ZNF800: variants seen among roughly 807,000 people sequenced by gnomAD.
The protein encoded by ZNF800 is zinc finger protein 800.
ZNF800 carries 13 observed loss-of-function variants against 59.5 expected under a neutral mutation model. The ratio of observed to expected loss-of-function variants is 0.22; its 90% confidence interval spans 0.14 to 0.35. ZNF800 has a LOEUF of 0.35. Ranked by LOEUF, ZNF800 falls within the 10% of genes least tolerant of loss-of-function variation. ZNF800 has a pLI of 1.00. For synonymous variants in ZNF800, 266 were observed against 265.7 expected (o/e 1.00, Z -0.01); for missense variants, 621 against 783.7 (o/e 0.79, Z 2.48).
downstream of ZNF800, among the ~76,000 whole-genome samples, chr7:127,345,138 G>GA (rs1274665539): frequency 5.9e-5 from 9 of 152,254 alleles, no homozygotes; most frequent in East Asian, 3.9e-4. Context: ...ACCCTCAACA[G>GA]AAAAAATATC....
chr7:127,374,076 G>C lies in ZNF800; in HGVS notation c.1260C>G (p.Pro420=). 6.2e-7 allele frequency: 1 copy of C among 1,614,082 alleles called. No individual in the cohort carries two copies. The highest frequency in any genetic ancestry group is 8.5e-7 in the Non-Finnish European group (1 of 1,180,010). ...VEPADSVESS[P]PSITHSPQNE... is the part of the protein sequence containing the mutation. ...TCTGTGGAGAATGGGTAATGGAAGG[G>C]GGTGAAGATTCTACAGAATCTGCTG... The change falls in exon 5 of 6, where the codon CCC becomes CCG. Residue 420 remains proline (P), a synonymous_variant. Transcript: ENST00000265827.
chr7:127,362,734 A>C (rs1800419062), intron 1 of ZNF800: 1 of 152,178 alleles, frequency 6.6e-6, no homozygotes, highest in African/African-American at 2.4e-5. Context: ...GGAACATGAA[A>C]CAAACAACAA....
intron 2 of ZNF800, among the ~76,000 whole-genome samples, chr7:127,386,782 T>C (rs970529771): frequency 1.3e-5 from 2 of 152,218 alleles, no homozygotes; most frequent in Admixed American, 1.3e-4. Flanking sequence ...TAGGACAGAC[T>C]TTTTCATGGC....
At chr7:127,356,883 G>T (rs1690646616) in intron 1 of ZNF800, among the ~76,000 whole-genome samples, 1 of 151,748 alleles carries the variant, frequency 6.6e-6, no homozygotes, top group South Asian at 2.1e-4. Context: ...TCAGTTTTTA[G>T]GAGTTATAAC....
At chr7:127,347,456 C>A (rs1800087913) in exon 2 of ZNF800, 2 of 152,058 alleles carry the variant, frequency 1.3e-5, no homozygotes, top group African/African-American at 4.8e-5. Flanking sequence ...CAAGTAGGAG[C>A]TAGTCTTTGA....
intron 3 of ZNF800, among the ~76,000 whole-genome samples, chr7:127,379,439 ATAG>A (rs960340032): frequency 2.6e-5 from 4 of 152,230 alleles, no homozygotes; most frequent in African/African-American, 9.6e-5. Context: ...GCCTTTAAGG[ATAG>A]TCAAAAAAGA....
Position 127,371,620 on chromosome 7 carries a change from T to C in ZNF800, c.*194A>G, listed in dbSNP as rs1800634215. The C allele has an allele frequency of 6.5e-6, 3 of 463,664 alleles. No individual in the cohort carries two copies. 28.7% of individuals were successfully genotyped at this position (463,664 alleles called of 1,614,324 possible). On this transcript the variant is annotated 3_prime_UTR_variant, in exon 6 of 6. Transcript: ENST00000265827. ...TCACAGCTACTTGAAAGTGCTGGAA[T>C]AGGCAGTGCCTTAGAAACAAGTGGT...
At chr7:127,359,402 C>T (rs11563641) in intron 1 of ZNF800, among the ~76,000 whole-genome samples, 19,697 of 152,136 alleles carry the variant, frequency 0.13, 1,617 homozygotes, top group Middle Eastern at 0.2. Context: ...AGCTATAACA[C>T]TATTTCCACC....
chr7:127,380,740 G>C (rs12672573), intron 3 of ZNF800, among the ~76,000 whole-genome samples: 1 of 152,092 alleles, frequency 6.6e-6, no homozygotes, highest in Non-Finnish European at 1.5e-5. Context: ...GAGAAACAGA[G>C]AGCCATGCTG....
chr7:127,382,223 T>C (rs1011475742), intron 3 of ZNF800, among the ~76,000 whole-genome samples: 1 of 152,182 alleles, frequency 6.6e-6, no homozygotes, highest in Non-Finnish European at 1.5e-5. Context: ...CAGACAAAAT[T>C]ATCCTTCTCT....
At chr7:127,363,152 G>A (rs941617960) in intron 1 of ZNF800, 1 of 152,010 alleles carries the variant, frequency 6.6e-6, no homozygotes, top group African/African-American at 2.4e-5. Context: ...AGATAAGTTT[G>A]GATTACTGAG....
At chr7:127,368,763 A>C (rs1025415007), downstream of ZNF800, among the ~76,000 whole-genome samples, 1 of 152,106 alleles carries the variant, frequency 6.6e-6, no homozygotes, top group Non-Finnish European at 1.5e-5. Context: ...TGCCATAGCA[A>C]AATCATTAAC....
chr7:127,353,479 T>C (rs1440099842), intron 1 of ZNF800, among the ~76,000 whole-genome samples: 1 of 152,190 alleles, frequency 6.6e-6, no homozygotes, highest in East Asian at 1.9e-4. Context: ...GTTCAACAAC[T>C]GAATTTTAAC....
chr7:127,367,594 C>G (rs527238061), downstream of ZNF800, among the ~76,000 whole-genome samples: 3 of 152,034 alleles, frequency 2.0e-5, no homozygotes, highest in South Asian at 6.2e-4. Context: ...TTAGCTATTA[C>G]TAAGAATTAT....
chr7:127,378,718 T>TACACAC (rs112511268), intron 3 of ZNF800, among the ~76,000 whole-genome samples: 24 of 149,512 alleles, frequency 1.6e-4, no homozygotes, highest in African/African-American at 5.9e-4. Flanking sequence ...CCCCACAACA[T>TACACAC]ACACACACAC....
At chr7:127,382,060 C>CA (rs998031810) in intron 3 of ZNF800, among the ~76,000 whole-genome samples, 3 of 151,970 alleles carry the variant, frequency 2.0e-5, no homozygotes, top group Non-Finnish European at 2.9e-5. Context: ...CCCTAAGAGT[C>CA]AAAAAAAGAG....
At chr7:127,391,914 A>T (rs1801334109) in intron 1 of ZNF800, 146 bp downstream of exon 1, 1 of 368,230 alleles carries the variant, frequency 2.7e-6, no homozygotes, top group South Asian at 1.5e-4. Flanking sequence ...CGGAGCGCAG[A>T]GCGCGGCGGG....
At chr7:127,373,242 C>G (rs1800680228) in intron 5 of ZNF800, 100 bp downstream of exon 5, 1 of 1,502,928 alleles carries the variant, frequency 6.7e-7, no homozygotes, top group South Asian at 1.4e-5. Context: ...TATATGGAAG[C>G]AAACGTGTTA....
At chr7:127,384,379 G>A (rs1238315389) in intron 3 of ZNF800, among the ~76,000 whole-genome samples, 6 of 151,230 alleles carry the variant, frequency 4.0e-5, no homozygotes, top group Admixed American at 2.6e-4. Context: ...GACTACAGGC[G>A]CCCGCCGCCG....
Sources: gnomAD v4.1 joint callset for allele counts (sites outside exome capture counted in the v4.1 genomes callset) on GRCh38, gnomAD v4.1.1 for gene constraint, MANE v1.5 for transcripts, NCBI Gene and HGNC (gene_info 2026-07-23, HGNC 2026-07-21) for gene names.